Variants in DLC1 observed in about 807,000 individuals in gnomAD.
DLC1 encodes the protein rho GTPase-activating protein 7.
In DLC1, 54 loss-of-function variants were observed where a neutral mutation model predicts 140.3. The observed-to-expected ratio is 0.38, with a 90% CI of 0.31 to 0.48. The LOEUF (loss-of-function observed/expected upper bound fraction) is 0.48, where lower values mean the gene tolerates loss of function less well. Ranked by LOEUF, DLC1 falls within the 20% of genes least tolerant of loss-of-function variation. The pLI is 0.96. For synonymous variants in DLC1, 986 were observed against 728.1 expected (o/e 1.35, Z -5.70); for missense variants, 2,536 against 1,907.0 (o/e 1.33, Z -6.14).
chr8:13,534,206 G>C (rs1803192647), intron 1 of DLC1, among the ~76,000 whole-genome samples: 1 of 151,986 alleles, frequency 6.6e-6, no homozygotes, highest in Non-Finnish European at 1.5e-5. Flanking sequence ...TTCCTCCAAA[G>C]ACTTTTTCTT....
At chr8:13,483,250 A>G (rs1338112746) in intron 2 of DLC1, among the ~76,000 whole-genome samples, 1 of 152,174 alleles carries the variant, frequency 6.6e-6, no homozygotes, top group African/African-American at 2.4e-5. Context: ...GATATCCAGG[A>G]TGATCTCACC....
chr8:13,413,255 G>GTTTTTTTTTTTTTTTTTTTTTTTTTTTTT (rs1461897724), intron 2 of DLC1, among the ~76,000 whole-genome samples: 3 of 30,138 alleles, frequency 1.0e-4, no homozygotes, highest in Non-Finnish European at 1.7e-4. Flanking sequence ...ATTTTTTTGC[G>GTTTTTTTTTTTTTTTTTTTTTTTTTTTTT]ATTTTTTTTT....
intron 5 of DLC1, among the ~76,000 whole-genome samples, chr8:13,240,923 A>C: frequency 6.6e-6 from 1 of 152,200 alleles, no homozygotes; most frequent in Non-Finnish European, 1.5e-5. Context: ...TTTGGACACT[A>C]TTTGGCTCTC....
chr8:13,188,841 ATATTTTTTTT>A (rs1826568460), intron 5 of DLC1, among the ~76,000 whole-genome samples: 1 of 26,686 alleles, frequency 3.7e-5, no homozygotes, highest in Non-Finnish European at 7.4e-5. Context: ...ATATATATAT[ATATTTTTTTT>A]TTTTTTTTTT....
At chr8:13,320,336 C>T (rs1586131928) in intron 4 of DLC1, among the ~76,000 whole-genome samples, 1 of 152,086 alleles carries the variant, frequency 6.6e-6, no homozygotes, top group African/African-American at 2.4e-5. Context: ...GTTAACTCTT[C>T]GTTAAGAGAA....
intron 5 of DLC1, among the ~76,000 whole-genome samples, chr8:13,195,249 A>G (rs1826981135): frequency 6.6e-6 from 1 of 151,150 alleles, no homozygotes; most frequent in Admixed American, 6.6e-5. Flanking sequence ...TCAGAGTTGC[A>G]TGGATACCTT....
In DLC1 at chr8:13,499,218, G is replaced by C. The variant is rs773334319; in HGVS notation, c.854C>G (p.Pro285Arg). The C allele has an allele frequency of 6.2e-7, 1 of 1,614,112 alleles. No individual in the cohort carries two copies. The highest frequency in any genetic ancestry group is 1.1e-5 in the South Asian group (1 of 91,072). Residue 285 changes from proline (P) to arginine (R), a missense_variant, in exon 2 of 18, where the codon CCC (proline) becomes CGC (arginine). By Grantham distance (103) the Pro-to-Arg change is moderately radical. Coordinates refer to ENST00000276297, the MANE Select transcript of DLC1 (RefSeq NM_182643.3). ...GSCLLQPPSC[P>R]NGMSAENGLE... ...GCCATTTTCAGCTGACATTCCATTG[G>C]GGCAGGAAGGAGGCTGCAGAAGGCA...
intron 8 of DLC1, among the ~76,000 whole-genome samples, chr8:13,102,453 C>A (rs988432389): frequency 6.6e-6 from 1 of 152,168 alleles, no homozygotes; most frequent in African/African-American, 2.4e-5. Flanking sequence ...TGGAAATAAA[C>A]CTCAGTTTAT....
At chr8:13,379,449 C>T (rs932518265) in intron 4 of DLC1, among the ~76,000 whole-genome samples, 2 of 152,202 alleles carry the variant, frequency 1.3e-5, no homozygotes, top group African/African-American at 4.8e-5. Flanking sequence ...GCTTATAACA[C>T]TTACATTAAC....
At chr8:13,136,179 T>C (rs912959877) in intron 5 of DLC1, among the ~76,000 whole-genome samples, 1 of 152,256 alleles carries the variant, frequency 6.6e-6, no homozygotes, top group Admixed American at 6.5e-5. Context: ...TAATATGTTA[T>C]TTGTTTATGT....
intron 1 of DLC1, among the ~76,000 whole-genome samples, chr8:13,574,911 C>A (rs1384801793): frequency 6.6e-6 from 1 of 152,160 alleles, no homozygotes; most frequent in Non-Finnish European, 1.5e-5. Flanking sequence ...TAACTTAGCT[C>A]ATTCTGCAGC....
At chr8:13,294,598 G>C (rs1369186424) in intron 5 of DLC1, among the ~76,000 whole-genome samples, 1 of 152,188 alleles carries the variant, frequency 6.6e-6, no homozygotes, top group Non-Finnish European at 1.5e-5. Flanking sequence ...AACTTCAGGA[G>C]AAAAGTGAGG....
At chr8:13,553,230 A>ATATG (rs1803926667) in intron 1 of DLC1, among the ~76,000 whole-genome samples, 2 of 128,108 alleles carry the variant, frequency 1.6e-5, no homozygotes, top group African/African-American at 6.0e-5. Flanking sequence ...ATATATATGT[A>ATATG]TATATATATA....
intron 7 of DLC1, among the ~76,000 whole-genome samples, chr8:13,109,164 T>C (rs989515412): frequency 2.0e-5 from 3 of 152,172 alleles, no homozygotes; most frequent in African/African-American, 7.2e-5. Context: ...CTGTATTATA[T>C]GAGAAAGGCA....
At chr8:13,520,200 A>G (rs1802720520) in intron 1 of DLC1, among the ~76,000 whole-genome samples, 1 of 152,256 alleles carries the variant, frequency 6.6e-6, no homozygotes, top group African/African-American at 2.4e-5. Flanking sequence ...AATATTCACA[A>G]TAGAAAAGAC....
rs553580356 is a variant in DLC1, at chr8:13,479,348, A to G, written c.1023+19701T>C. On this transcript the variant is annotated intron_variant, in intron 2 of 17. Coordinates refer to ENST00000276297, the MANE Select transcript of DLC1 (RefSeq NM_182643.3). ...GTCCAGTGAGTCAAGAAGATCTCAC[A>G]ATAAGCAAAGCAAAAATACAAAAAA... Among the ~76,000 whole-genome samples the G allele has an allele frequency of 1.2e-4, 19 of 152,318 alleles. 1 individual carries two copies. Among genetic ancestry groups the G allele is most frequent in the Admixed American group, 2.6e-4 (4 of 15,302 alleles).
At position 13,285,360 on chromosome 8, in the gene DLC1, T is replaced by C. The variant is rs114169069; in HGVS notation, c.1348+19909A>G. 8.1e-3 allele frequency among the ~76,000 whole-genome samples: 1,232 copies of C among 152,262 alleles called. 27 individuals are homozygous for C. The highest frequency in any genetic ancestry group is 0.028 in the African/African-American group (1,168 of 41,548). On this transcript the variant is annotated intron_variant, in intron 5 of 17. Transcript: ENST00000276297. Reference sequence around the variant, plus strand: ...GATAACCATATGGAAAAAAGAAACCTTGAGCTTTACCTCACACCTAAAACA... The same window carrying C: ...GATAACCATATGGAAAAAAGAAACCCTGAGCTTTACCTCACACCTAAAACA...
At chr8:13,135,093 G>A (rs971730373) in intron 5 of DLC1, among the ~76,000 whole-genome samples, 1 of 152,134 alleles carries the variant, frequency 6.6e-6, no homozygotes, top group Non-Finnish European at 1.5e-5. Context: ...ACCGTCACCA[G>A]CAAGGGGGAG....
At chr8:13,565,757 G>T (rs543581493) in intron 1 of DLC1, among the ~76,000 whole-genome samples, 1 of 152,100 alleles carries the variant, frequency 6.6e-6, no homozygotes, top group Non-Finnish European at 1.5e-5. Flanking sequence ...AATTATCCTA[G>T]ACATTGACTA....
Sources: gnomAD v4.1 joint callset for allele counts (sites outside exome capture counted in the v4.1 genomes callset) on GRCh38, gnomAD v4.1.1 for gene constraint, MANE v1.5 for transcripts, NCBI Gene and HGNC (gene_info 2026-07-23, HGNC 2026-07-21) for gene names.